The following DLGAP2 variants were observed in gnomAD, a reference collection of about 807,000 sequenced individuals.
DLGAP2 encodes the protein DLG associated protein 2, also known as disks large-associated protein 2.
A neutral mutation model predicts 100.3 loss-of-function variants in DLGAP2; 26 were observed. The observed-to-expected ratio is 0.26, with a 90% CI of 0.19 to 0.36. The LOEUF (loss-of-function observed/expected upper bound fraction) is 0.36, where lower values mean the gene tolerates loss of function less well. Ranked by LOEUF, DLGAP2 falls within the 10% of genes least tolerant of loss-of-function variation. DLGAP2 has a pLI of 1.00. For synonymous variants in DLGAP2, 886 were observed against 630.1 expected (o/e 1.41, Z -6.08); for missense variants, 1,858 against 1,453.2 (o/e 1.28, Z -4.53).
chr8:1,563,049 A>G (rs11780577), intron 5 of DLGAP2, among the ~76,000 whole-genome samples: 745 of 21,680 alleles, frequency 0.034, 81 homozygotes, highest in South Asian at 0.06. Flanking sequence ...GCGCCTCGTT[A>G]CTGGGGGACT....
chr8:1,580,036 C>T (rs1695702061), intron 6 of DLGAP2, among the ~76,000 whole-genome samples: 1 of 152,214 alleles, frequency 6.6e-6, no homozygotes, highest in South Asian at 2.1e-4. Flanking sequence ...GCCCATTTCC[C>T]AGCACTGATA....
chr8:1,060,049 G>C (rs1030485987), intron 2 of DLGAP2, among the ~76,000 whole-genome samples: 1 of 152,166 alleles, frequency 6.6e-6, no homozygotes, highest in Non-Finnish European at 1.5e-5. Flanking sequence ...TGGAATCTCA[G>C]GACCTGAGTC....
Position 1,258,841 on chromosome 8 carries a change from C to G in DLGAP2, c.74-10C>G. The G allele has an allele frequency of 5.7e-6, 7 of 1,231,728 alleles. No homozygotes were observed. Among genetic ancestry groups the G allele is most frequent in the Non-Finnish European group, 7.1e-6 (7 of 987,990 alleles). The allele number at this position is 1,231,728 out of a possible 1,614,324, so 76.3% of individuals were successfully genotyped here. A position where few individuals can be genotyped will look rare whatever the true frequency, so the allele number is the denominator to read the frequency against. ...TGGGTGTAACAGCTTCTCTCTGTCT[C>G]TGTTTTCAGAGTCGCAGTGCACGCT... On this transcript the variant is annotated splice_polypyrimidine_tract_variant and intron_variant, in intron 2 of 14. Coordinates refer to ENST00000637795, the MANE Select transcript of DLGAP2 (RefSeq NM_001346810.2).
intron 6 of DLGAP2, among the ~76,000 whole-genome samples, chr8:1,588,814 C>G (rs1290580715): frequency 6.8e-6 from 1 of 147,548 alleles, no homozygotes; most frequent in East Asian, 2.0e-4. Context: ...CCCAGCTACT[C>G]AGAAGGCTGG....
At chr8:1,651,416 G>A (rs1241037546) in intron 8 of DLGAP2, among the ~76,000 whole-genome samples, 2 of 152,296 alleles carry the variant, frequency 1.3e-5, no homozygotes, top group East Asian at 3.9e-4. Context: ...ACCAGCTGCT[G>A]GTGAGGGATC....
chr8:1,415,340 G>T (rs905570282), intron 3 of DLGAP2, among the ~76,000 whole-genome samples: 1 of 151,992 alleles, frequency 6.6e-6, no homozygotes, highest in Non-Finnish European at 1.5e-5. Flanking sequence ...TAGATCCGGG[G>T]GTACGTTGGC....
chr8:782,024 A>G (rs572676270), intron 1 of DLGAP2, among the ~76,000 whole-genome samples: 1 of 152,308 alleles, frequency 6.6e-6, no homozygotes, highest in South Asian at 2.1e-4. Flanking sequence ...CAGGATGACT[A>G]CCATTAACAT....
At chr8:1,486,546 G>C (rs1001996134) in intron 3 of DLGAP2, among the ~76,000 whole-genome samples, 1 of 152,182 alleles carries the variant, frequency 6.6e-6, no homozygotes, top group African/African-American at 2.4e-5. Context: ...CCAATCAAAG[G>C]GGGAATTTCT....
chr8:827,973 C>G (rs1223697743), intron 1 of DLGAP2, among the ~76,000 whole-genome samples: 1 of 152,050 alleles, frequency 6.6e-6, no homozygotes, highest in Non-Finnish European at 1.5e-5. Flanking sequence ...CCCCACAAGC[C>G]ACAAAAACCA....
Position 1,627,356 on chromosome 8 carries a change from G to T in DLGAP2, c.1590+469G>T, listed in dbSNP as rs188976432. 3.3e-5 allele frequency among the ~76,000 whole-genome samples: 5 copies of T among 152,244 alleles called. No individual in the cohort carries two copies. The East Asian group carries it at 9.7e-4, about 30-fold the overall frequency. ...CCACTCCCAGGGCAGGACTGATTTC[G>T]GGACAGGCACAGTGGCCAGGAGAAG... On this transcript the variant is annotated intron_variant, in intron 7 of 14. Transcript: ENST00000637795.
chr8:1,423,244 G>C (rs148147766), intron 3 of DLGAP2, among the ~76,000 whole-genome samples: 153 of 150,014 alleles, frequency 1.0e-3, no homozygotes, highest in African/African-American at 3.5e-3. Context: ...GTAGAGCTCA[G>C]AACTCTACTT....
At chr8:1,490,773 T>A (rs1349907009) in intron 3 of DLGAP2, among the ~76,000 whole-genome samples, 2 of 151,760 alleles carry the variant, frequency 1.3e-5, no homozygotes, top group South Asian at 4.2e-4. Context: ...GAGGCCTGTG[T>A]CCTCCTAAAA....
intron 6 of DLGAP2, among the ~76,000 whole-genome samples, chr8:1,617,660 G>A (rs1282497993): frequency 2.6e-5 from 4 of 152,050 alleles, no homozygotes; most frequent in African/African-American, 9.7e-5. Flanking sequence ...CATTTTGTAC[G>A]TTTTCTGTTT....
At chr8:1,129,393 C>G (rs573410238) in intron 2 of DLGAP2, among the ~76,000 whole-genome samples, 3 of 137,472 alleles carry the variant, frequency 2.2e-5, no homozygotes, top group Non-Finnish European at 4.7e-5. Flanking sequence ...CAGAGTGAGA[C>G]TCCATCTCAA....
intron 2 of DLGAP2, among the ~76,000 whole-genome samples, chr8:932,411 G>A (rs1279946382): frequency 2.0e-5 from 3 of 152,196 alleles, no homozygotes; most frequent in Admixed American, 1.3e-4. Context: ...CTGATAAATG[G>A]TTCCAGGTTA....
chr8:1,515,887 G>T (rs768692327), intron 4 of DLGAP2, among the ~76,000 whole-genome samples: 11 of 152,218 alleles, frequency 7.2e-5, no homozygotes, highest in Admixed American at 2.0e-4. Context: ...TCTCACAGAG[G>T]GATGGGCTTA....
At chr8:1,297,993 T>TGAA (rs1800228828) in intron 3 of DLGAP2, among the ~76,000 whole-genome samples, 3 of 37,886 alleles carry the variant, frequency 7.9e-5, no homozygotes, top group Admixed American at 6.1e-4. Context: ...GTGGCAGGCG[T>TGAA]CAACAGACAC....
chr8:1,534,807 C>T (rs574876011), intron 4 of DLGAP2, among the ~76,000 whole-genome samples: 6 of 152,050 alleles, frequency 3.9e-5, no homozygotes, highest in East Asian at 3.9e-4. Flanking sequence ...AGTGTGTGTG[C>T]GCGTGATGTG....
intron 2 of DLGAP2, among the ~76,000 whole-genome samples, chr8:994,725 G>A (rs150418640): frequency 1.1e-3 from 161 of 152,298 alleles, no homozygotes; most frequent in African/African-American, 3.6e-3. Flanking sequence ...TGACTGCTGG[G>A]CATTGGAGAG....
Sources: gnomAD v4.1 joint callset for allele counts (sites outside exome capture counted in the v4.1 genomes callset) on GRCh38, gnomAD v4.1.1 for gene constraint, MANE v1.5 for transcripts, NCBI Gene and HGNC (gene_info 2026-07-23, HGNC 2026-07-21) for gene names.